The following ERO1B variants were observed in gnomAD, a reference collection of about 807,000 sequenced individuals.
ERO1B encodes endoplasmic reticulum oxidoreductase 1 beta.
In ERO1B, 49 loss-of-function variants were observed where a neutral mutation model predicts 75.3. The observed-to-expected ratio is 0.65, with a 90% CI of 0.52 to 0.83. The LOEUF is 0.83. Among genes scored for constraint, ERO1B ranks in the 40% least tolerant of loss-of-function variants. ERO1B has a pLI of 0.00. For missense variants in ERO1B, 512 were observed against 560.1 expected (o/e 0.91, Z 0.87); for synonymous variants, 191 against 192.9 (o/e 0.99, Z 0.08).
Position 236,226,333 on chromosome 1 carries a change from T to C in ERO1B, c.988A>G (p.Thr330Ala), listed in dbSNP as rs781248393. The C allele has an allele frequency of 2.9e-5, 47 of 1,613,988 alleles. No homozygotes were observed. Among genetic ancestry groups the C allele is most frequent in the South Asian group, 7.7e-5 (7 of 91,072 alleles). The change falls in exon 12 of 16, where the codon ACT (threonine) becomes GCT (alanine). Residue 330 changes from threonine (T) to alanine (A), a missense_variant. Coordinates refer to ENST00000354619, the MANE Select transcript of ERO1B (RefSeq NM_019891.4). ...TCAGCATCTTCTTCTGCATTTCCAG[T>C]GTAAAGATCGACAATTGAGCGCTCA... ...YFERSIVDLYTGNAEEDADTK... is the reference protein window; with the variant it reads ...YFERSIVDLYAGNAEEDADTK...
chr1:236,247,874 T>C (rs1664923097), intron 5 of ERO1B, among the ~76,000 whole-genome samples: 2 of 151,860 alleles, frequency 1.3e-5, no homozygotes, highest in African/African-American at 2.4e-5. Flanking sequence ...CAGCCAACCA[T>C]AGTAAGACTC....
intron 5 of ERO1B, among the ~76,000 whole-genome samples, chr1:236,245,296 A>C (rs1229369960): frequency 3.4e-5 from 1 of 29,580 alleles, no homozygotes; most frequent in Non-Finnish European, 6.6e-5. Flanking sequence ...TGCCCAGTCA[A>C]AATATATATA....
At chr1:236,275,491 T>C (rs1665691360) in intron 1 of ERO1B, among the ~76,000 whole-genome samples, 1 of 152,298 alleles carries the variant, frequency 6.6e-6, no homozygotes, top group South Asian at 2.1e-4. Flanking sequence ...TCCGTGCCTC[T>C]CTCAACATGC....
In ERO1B at chr1:236,218,364, A is replaced by T; in HGVS notation, c.*152T>A. ...TATCTCTAGTTGATAATAATCTATT[A>T]AGAATCATAAATATTCAAGTGAGCA... is the stretch of plus-strand genomic sequence containing the variant. On this transcript the variant is annotated 3_prime_UTR_variant, in exon 16 of 16. Transcript: ENST00000354619. 1.8e-6 allele frequency: 1 copy of T among 548,516 alleles called. No homozygotes were observed. Among genetic ancestry groups the T allele is most frequent in the Non-Finnish European group, 2.6e-6 (1 of 380,960 alleles). The allele number at this position is 548,516 out of a possible 1,614,324, so 34.0% of individuals were successfully genotyped here.
chr1:236,272,257 C>T (rs981436212), intron 1 of ERO1B, among the ~76,000 whole-genome samples: 4 of 152,116 alleles, frequency 2.6e-5, no homozygotes, highest in East Asian at 1.9e-4. Context: ...TGCACTTGAA[C>T]GTTTATCACG....
rs1413372038 is a variant in ERO1B at position 236,226,469 on chromosome 1, T to C, written c.852A>G (p.Lys284=). The C allele has an allele frequency of 6.2e-7, 1 of 1,614,072 alleles. No individual in the cohort carries two copies. The highest frequency in any genetic ancestry group is 2.2e-5 in the East Asian group (1 of 44,872). The change falls in exon 12 of 16, where the codon AAA becomes AAG. Residue 284 remains lysine (K), a synonymous_variant. Coordinates refer to ENST00000354619, the MANE Select transcript of ERO1B (RefSeq NM_019891.4). ...PSWGPNIKEF[K]HRFDPVETKG... is the part of the protein sequence containing the mutation. ...TGGTTTCCACAGGGTCAAAGCGGTG[T>C]TTGAATTCTTTAATATTAGGTCCCC...
At chr1:236,281,651 G>C (rs1347585062) in intron 1 of ERO1B, 31 bp downstream of exon 1, 2 of 1,371,078 alleles carry the variant, frequency 1.5e-6, no homozygotes, top group Non-Finnish European at 1.9e-6. Flanking sequence ...GTTCGGCCGG[G>C]GGTTCCCGGC....
chr1:236,239,877 A>G (rs11578470), intron 6 of ERO1B, among the ~76,000 whole-genome samples: 21 of 96,024 alleles, frequency 2.2e-4, no homozygotes, highest in African/African-American at 5.9e-4. Flanking sequence ...ATATGTGTAT[A>G]TGTGTGTGTG....
intron 2 of ERO1B, among the ~76,000 whole-genome samples, chr1:236,263,972 G>A (rs1240202752): frequency 1.3e-5 from 2 of 149,166 alleles, no homozygotes; most frequent in Non-Finnish European, 3.0e-5. Flanking sequence ...ACTTCTAAAT[G>A]GTTATTATTT....
intron 1 of ERO1B, among the ~76,000 whole-genome samples, chr1:236,278,148 T>C (rs1665749878): frequency 6.6e-6 from 1 of 152,120 alleles, no homozygotes; most frequent in Non-Finnish European, 1.5e-5. Context: ...CCAGAGGTGA[T>C]GGATATTTGC....
Position 236,216,754 on chromosome 1 carries a change from A to AT in ERO1B, c.*1761dup, listed in dbSNP as rs1253070693. The AT allele has an allele frequency of 3.3e-5, 5 of 152,018 alleles. No homozygotes were observed. Among genetic ancestry groups the AT allele is most frequent in the Non-Finnish European group, 7.4e-5 (5 of 67,946 alleles). 9.4% of individuals were successfully genotyped at this position (152,018 alleles called of 1,614,324 possible). On this transcript the variant is annotated 3_prime_UTR_variant, in exon 16 of 16. Coordinates refer to ENST00000354619, the MANE Select transcript of ERO1B (RefSeq NM_019891.4). ...ATTTAGAGTGATAAACAAAGTGCAG[A>AT]TTTTTCACATCTTAAACTCTGAGTG... is the stretch of plus-strand genomic sequence containing the variant.
intron 2 of ERO1B, among the ~76,000 whole-genome samples, chr1:236,266,684 C>T (rs1403324172): frequency 2.0e-5 from 3 of 151,612 alleles, no homozygotes; most frequent in African/African-American, 7.3e-5. Context: ...TAAAGCTTTC[C>T]TTTCTTTGCC....
At chr1:236,268,306 G>T (rs1365438760) in intron 2 of ERO1B, among the ~76,000 whole-genome samples, 3 of 152,158 alleles carry the variant, frequency 2.0e-5, no homozygotes, top group African/African-American at 7.2e-5. Flanking sequence ...CAGGCGTGGT[G>T]GTGGGCGCCT....
chr1:236,272,794 T>G (rs1265737243), intron 1 of ERO1B, among the ~76,000 whole-genome samples: 6 of 152,186 alleles, frequency 3.9e-5, no homozygotes, highest in Non-Finnish European at 7.4e-5. Flanking sequence ...TGCTTGAGGT[T>G]TTTTTCCCCC....
intron 2 of ERO1B, among the ~76,000 whole-genome samples, chr1:236,258,253 A>G (rs182329452): frequency 1.2e-3 from 179 of 152,014 alleles, no homozygotes; most frequent in African/African-American, 4.2e-3. Context: ...CAAATTGTCA[A>G]AAGTTAAAGA....
chr1:236,233,309 C>CAA lies in ERO1B; in HGVS notation c.674-472_674-471dup, dbSNP rs747020101. Among the ~76,000 whole-genome samples the CAA allele has an allele frequency of 9.3e-3, 963 of 103,136 alleles. 12 individuals carry two copies. The highest frequency in any genetic ancestry group is 0.033 in the African/African-American group (892 of 27,216). 67.7% of individuals were successfully genotyped at this position (103,136 alleles called of 152,430 possible). ...GGGCAACAAGAGCAAAATTCCGTCT[C>CAA]AAAAAAAAAAAAAAGAAGAAGGCTG... On this transcript the variant is annotated intron_variant, in intron 8 of 15. Transcript: ENST00000354619.
intron 2 of ERO1B, among the ~76,000 whole-genome samples, chr1:236,264,793 C>T (rs532150423): frequency 4.0e-5 from 6 of 151,786 alleles, no homozygotes; most frequent in Admixed American, 2.6e-4. Context: ...TGCAGTGAGT[C>T]GAGATCACAC....
chr1:236,230,683 T>G (rs1014832818), intron 9 of ERO1B, among the ~76,000 whole-genome samples: 2 of 148,292 alleles, frequency 1.3e-5, no homozygotes, highest in Non-Finnish European at 3.0e-5. Context: ...CTGCTTCAGG[T>G]AAAATAGAAA....
Position 236,218,296 on chromosome 1 carries a change from A to T in ERO1B, c.*220T>A. On this transcript the variant is annotated 3_prime_UTR_variant, in exon 16 of 16. Coordinates refer to ENST00000354619, the MANE Select transcript of ERO1B (RefSeq NM_019891.4). ...AACATATGAAATTAAACACAAAATT[A>T]GTATAACTTACATGTTTTAAAAGTA... The T allele has an allele frequency of 7.6e-6, 2 of 262,286 alleles. No individual in the cohort carries two copies. Among genetic ancestry groups the T allele is most frequent in the Non-Finnish European group, 1.4e-5 (2 of 146,126 alleles). The allele number at this position is 262,286 out of a possible 1,614,324, so 16.2% of individuals were successfully genotyped here.
Sources: gnomAD v4.1 joint callset for allele counts (sites outside exome capture counted in the v4.1 genomes callset) on GRCh38, gnomAD v4.1.1 for gene constraint, MANE v1.5 for transcripts, NCBI Gene and HGNC (gene_info 2026-07-23, HGNC 2026-07-21) for gene names.